The following IPO7 variants were observed in gnomAD, a reference collection of about 807,000 sequenced individuals.
The protein encoded by IPO7 is importin 7, also known as importin-7.
A neutral mutation model predicts 136.4 loss-of-function variants in IPO7; 13 were observed. That is an observed-to-expected ratio of 0.10 (90% CI 0.06 to 0.15). IPO7 has a LOEUF of 0.15. Ranked by LOEUF, IPO7 falls within the 10% of genes least tolerant of loss-of-function variation. IPO7 has a pLI of 1.00. For synonymous variants in IPO7, 403 were observed against 404.4 expected, an observed-to-expected ratio of 1.00 and a Z score of 0.04; for missense variants, 857 against 1,240.6, an observed-to-expected ratio of 0.69 and a Z score of 4.65.
intron 10 of IPO7, 84 bp downstream of exon 10, chr11:9,423,960 T>G: frequency 6.9e-6 from 5 of 727,018 alleles, no homozygotes; most frequent in Non-Finnish European, 1.2e-5. Flanking sequence ...TAGGGGGTAT[T>G]ATGTATCTTC....
intron 1 of IPO7, among the ~76,000 whole-genome samples, chr11:9,399,404 AC>A (rs1854761585): frequency 6.6e-6 from 1 of 151,868 alleles, no homozygotes; most frequent in South Asian, 2.1e-4. Flanking sequence ...CAGGTGATCC[AC>A]CCGCCTCGGC....
At chr11:9,406,045 C>A (rs1211320761) in intron 2 of IPO7, among the ~76,000 whole-genome samples, 6 of 148,102 alleles carry the variant, frequency 4.1e-5, no homozygotes, top group African/African-American at 1.5e-4. Context: ...TGTGTCACTA[C>A]ACCCATCTAA....
At chr11:9,394,748 T>C (rs1854685529) in intron 1 of IPO7, among the ~76,000 whole-genome samples, 1 of 152,204 alleles carries the variant, frequency 6.6e-6, no homozygotes, top group African/African-American at 2.4e-5. Context: ...CATAACTTCA[T>C]ACTGATCTTT....
chr11:9,415,906 T>TAACAC (rs1261693240), intron 5 of IPO7, among the ~76,000 whole-genome samples: 1 of 152,196 alleles, frequency 6.6e-6, no homozygotes, highest in African/African-American at 2.4e-5. Flanking sequence ...TAATTACTTG[T>TAACAC]AAAACAGATT....
chr11:9,428,517 A>G, intron 12 of IPO7, 23 bp from the exon 13 acceptor site: 5 of 1,045,478 alleles, frequency 4.8e-6, no homozygotes, highest in Non-Finnish European at 7.2e-6. Context: ...CTGTATCAAA[A>G]TAACTGTTGT....
intron 18 of IPO7, 37 bp from the exon 19 acceptor site, chr11:9,434,897 A>G (rs1855349297): frequency 7.7e-7 from 1 of 1,302,394 alleles, no homozygotes; most frequent in Non-Finnish European, 1.1e-6. Flanking sequence ...CATTTGTGTT[A>G]CTAAAGATGT....
At chr11:9,389,238 G>A (rs1033060593) in intron 1 of IPO7, among the ~76,000 whole-genome samples, 2 of 151,866 alleles carry the variant, frequency 1.3e-5, no homozygotes, top group Non-Finnish European at 2.9e-5. Context: ...TAGTAGAGAC[G>A]GGGTTTCGCC....
intron 1 of IPO7, among the ~76,000 whole-genome samples, chr11:9,391,372 C>T (rs924311560): frequency 5.3e-5 from 8 of 150,990 alleles, no homozygotes; most frequent in East Asian, 3.9e-4. Context: ...CATTCCAGCC[C>T]GGGCAACAGT....
intron 22 of IPO7, among the ~76,000 whole-genome samples, chr11:9,438,552 G>C (rs750066355): frequency 2.0e-5 from 3 of 152,090 alleles, no homozygotes; most frequent in African/African-American, 7.2e-5. Context: ...TTGAACCCAT[G>C]AGGCGGAGGT....
At chr11:9,387,274 A>G (rs1854564259) in intron 1 of IPO7, among the ~76,000 whole-genome samples, 3 of 152,242 alleles carry the variant, frequency 2.0e-5, no homozygotes, top group Admixed American at 2.0e-4. Flanking sequence ...GACTCAATGT[A>G]AAATTTGTAA....
At chr11:9,392,236 G>A (rs1307153915) in intron 1 of IPO7, 1 of 293,408 alleles carries the variant, frequency 3.4e-6, no homozygotes, top group South Asian at 2.5e-5. Flanking sequence ...GGAGTGCAAT[G>A]GCACAATCTC....
intron 24 of IPO7, 59 bp downstream of exon 24, chr11:9,442,256 A>G: frequency 1.4e-6 from 1 of 711,066 alleles, no homozygotes; most frequent in South Asian, 1.7e-5. Context: ...TTAAAATTTT[A>G]TATCGTTTAA....
chr11:9,384,942 C>G (rs560631661), intron 1 of IPO7, 95 bp downstream of exon 1: 1 of 906,628 alleles, frequency 1.1e-6, no homozygotes, highest in Non-Finnish European at 1.7e-6. Context: ...CGGACGACGT[C>G]GTTGAGGGTC....
In IPO7 at chr11:9,437,899, G is replaced by A. The variant is rs537526514; in HGVS notation, c.2414G>A (p.Arg805His). 1.4e-5 allele frequency: 22 copies of A among 1,613,666 alleles called. No homozygotes were observed. Among genetic ancestry groups the A allele is most frequent in the Admixed American group, 1.3e-4 (8 of 59,982 alleles). The change falls in exon 21 of 25, where the codon CGC (arginine) becomes CAC (histidine). Residue 805 changes from arginine to histidine, a missense_variant. Coordinates refer to ENST00000379719, the MANE Select transcript of IPO7 (RefSeq NM_006391.3). ...CTACTCAATACCTTAGAAAATCTTC[G>A]CTTCCCTAATAATGTTGAACCAGTT... ...HLLLNTLENLRFPNNVEPVTN... is the reference protein window; with the variant it reads ...HLLLNTLENLHFPNNVEPVTN...
chr11:9,442,046 C>T (rs1258288434), intron 23 of IPO7, 35 bp from the exon 24 acceptor site: 3 of 985,388 alleles, frequency 3.0e-6, no homozygotes, highest in South Asian at 1.3e-5. Flanking sequence ...CTCTCTTATT[C>T]ATGTTGTTTT....
intron 1 of IPO7, among the ~76,000 whole-genome samples, chr11:9,402,449 C>T (rs1386006275): frequency 7.0e-6 from 1 of 143,448 alleles, no homozygotes; most frequent in Non-Finnish European, 1.5e-5. Context: ...GGGGGTCAGA[C>T]GCAATGGCTC....
chr11:9,391,397 C>CA (rs202145212), intron 1 of IPO7, among the ~76,000 whole-genome samples: 7,237 of 146,766 alleles, frequency 0.049, 240 homozygotes, highest in South Asian at 0.079. Context: ...GACTCTGCCT[C>CA]AAAAAAAGAA....
At chr11:9,410,671 A>G (rs1430798887) in intron 4 of IPO7, among the ~76,000 whole-genome samples, 2 of 152,136 alleles carry the variant, frequency 1.3e-5, no homozygotes, top group Non-Finnish European at 2.9e-5. Flanking sequence ...ATTATTTTAG[A>G]TCTTGTTTTA....
intron 20 of IPO7, 77 bp from the exon 21 acceptor site, chr11:9,437,677 C>G: frequency 1.9e-6 from 2 of 1,080,404 alleles, no homozygotes; most frequent in Non-Finnish European, 2.7e-6. Context: ...ATTGAGGCAA[C>G]AAAGAAGTTA....
Sources: gnomAD v4.1 joint callset for allele counts (sites outside exome capture counted in the v4.1 genomes callset) on GRCh38, gnomAD v4.1.1 for gene constraint, MANE v1.5 for transcripts, NCBI Gene and HGNC (gene_info 2026-07-23, HGNC 2026-07-21) for gene names.